The following SLC16A2 variants were observed in gnomAD, a reference collection of about 807,000 sequenced individuals.
SLC16A2 encodes the protein solute carrier family 16 member 2.
A neutral mutation model predicts 27.2 loss-of-function variants in SLC16A2; 3 were observed. That is an observed-to-expected ratio of 0.11 (90% CI 0.05 to 0.28). The LOEUF is 0.28. Among genes scored for constraint, SLC16A2 ranks in the 10% least tolerant of loss-of-function variants. The pLI is 1.00. For synonymous variants in SLC16A2, 202 were observed against 187.8 expected (o/e 1.08, Z -0.62); for missense variants, 295 against 458.5 (o/e 0.64, Z 3.26).
chrX:74,500,703 C>T (rs1212413003), intron 1 of SLC16A2, among the ~76,000 whole-genome samples: 2 of 111,411 alleles, frequency 1.8e-5, no homozygotes, highest in Admixed American at 1.9e-4. Context: ...CAATTATCAA[C>T]CTCAATGTAA....
At chrX:74,498,982 C>T (rs1270429934) in intron 1 of SLC16A2, among the ~76,000 whole-genome samples, 2 of 111,902 alleles carry the variant, frequency 1.8e-5, no homozygotes, top group Non-Finnish European at 3.8e-5. Context: ...GTTCCACCTC[C>T]CTTCTCTCTC....
chrX:74,428,222 C>A (rs942525845), intron 1 of SLC16A2, among the ~76,000 whole-genome samples: 2 of 111,198 alleles, frequency 1.8e-5, no homozygotes, highest in Non-Finnish European at 3.8e-5. Flanking sequence ...TCATCACCTG[C>A]CTGAAGCTGG....
chrX:74,432,394 AAAG>A (rs1928550102), intron 1 of SLC16A2, among the ~76,000 whole-genome samples: 1 of 111,668 alleles, frequency 9.0e-6, no homozygotes, highest in African/African-American at 3.3e-5. Flanking sequence ...TGGCCTTCAC[AAAG>A]AAGGATTGCC....
At chrX:74,485,671 G>T (rs1348060348) in intron 1 of SLC16A2, among the ~76,000 whole-genome samples, 2 of 111,145 alleles carry the variant, frequency 1.8e-5, no homozygotes, top group Non-Finnish European at 3.8e-5. Flanking sequence ...GAGTGTTATA[G>T]CTCTATTAGA....
intron 5 of SLC16A2, among the ~76,000 whole-genome samples, 197 bp downstream of exon 5, chrX:74,529,638 G>C (rs374581891): frequency 1.8e-5 from 2 of 110,535 alleles, no homozygotes; most frequent in Non-Finnish European, 3.8e-5. Context: ...TCCATTCTGC[G>C]GGATGGATTT....
chrX:74,490,007 A>ACACACACACG (rs1248337085), intron 1 of SLC16A2, among the ~76,000 whole-genome samples: 1 of 108,195 alleles, frequency 9.2e-6, no homozygotes, highest in Non-Finnish European at 1.9e-5. Flanking sequence ...ACACACACAC[A>ACACACACACG]CGCAAAGATC....
chrX:74,424,934 C>T (rs939220672), intron 1 of SLC16A2, among the ~76,000 whole-genome samples: 7 of 112,117 alleles, frequency 6.2e-5, no homozygotes, highest in South Asian at 7.5e-4. Context: ...TCATATTTCA[C>T]GACACCTTCA....
At chrX:74,483,835 C>A (rs1257802401) in intron 1 of SLC16A2, among the ~76,000 whole-genome samples, 1 of 111,081 alleles carries the variant, frequency 9.0e-6, no homozygotes, top group African/African-American at 3.3e-5. Context: ...TATTATTGGC[C>A]CACCATGCTT....
chrX:74,460,935 G>A (rs1929129676), intron 1 of SLC16A2, among the ~76,000 whole-genome samples: 2 of 111,855 alleles, frequency 1.8e-5, no homozygotes, highest in Admixed American at 1.9e-4. Context: ...ACAGGTGTGA[G>A]CCACTGTGCC....
intron 1 of SLC16A2, among the ~76,000 whole-genome samples, chrX:74,507,484 G>C (rs769461253): frequency 4.5e-4 from 50 of 111,869 alleles, no homozygotes; most frequent in African/African-American, 1.3e-3. Flanking sequence ...AAGAATGTAA[G>C]ACAGAACTAC....
At chrX:74,429,331 G>A (rs766621938) in intron 1 of SLC16A2, among the ~76,000 whole-genome samples, 2 of 110,719 alleles carry the variant, frequency 1.8e-5, no homozygotes, top group South Asian at 7.8e-4. Flanking sequence ...AACTAGGCTG[G>A]CATAGTGGCA....
At chrX:74,502,652 C>T (rs1487527075) in intron 1 of SLC16A2, among the ~76,000 whole-genome samples, 2 of 112,446 alleles carry the variant, frequency 1.8e-5, no homozygotes, top group African/African-American at 3.2e-5. Context: ...AGATGGCATT[C>T]ACAAGATAAT....
chrX:74,478,731 T>G (rs1929544690), intron 1 of SLC16A2, among the ~76,000 whole-genome samples: 1 of 111,135 alleles, frequency 9.0e-6, no homozygotes, highest in Non-Finnish European at 1.9e-5. Context: ...TTATTTCTCC[T>G]TCACTTATGA....
At chrX:74,465,755 A>G (rs1929239063) in intron 1 of SLC16A2, among the ~76,000 whole-genome samples, 1 of 111,673 alleles carries the variant, frequency 9.0e-6, no homozygotes, top group Admixed American at 9.5e-5. Flanking sequence ...ACTTGCTGCT[A>G]GCCTCTGGGC....
chrX:74,442,682 C>T (rs1179550011), intron 1 of SLC16A2, among the ~76,000 whole-genome samples: 3 of 112,234 alleles, frequency 2.7e-5, no homozygotes, highest in Non-Finnish European at 3.8e-5. Context: ...GAGGTCCAGG[C>T]GCAGTGGCTC....
intron 1 of SLC16A2, among the ~76,000 whole-genome samples, chrX:74,498,093 C>T (rs984428729): frequency 1.8e-5 from 2 of 111,179 alleles, no homozygotes; most frequent in African/African-American, 6.5e-5. Flanking sequence ...TATGGTTTAA[C>T]CTTAAAGGAA....
At chrX:74,436,602 T>C (rs966813358) in intron 1 of SLC16A2, among the ~76,000 whole-genome samples, 1 of 112,352 alleles carries the variant, frequency 8.9e-6, no homozygotes, top group Admixed American at 9.4e-5. Flanking sequence ...TATGTATCTC[T>C]AGCTAGCTAG....
chrX:74,467,201 G>A (rs1411446239), intron 1 of SLC16A2, among the ~76,000 whole-genome samples: 1 of 111,912 alleles, frequency 8.9e-6, no homozygotes, highest in African/African-American at 3.2e-5. Flanking sequence ...AAAGTGGTAA[G>A]GGGCCTTAGA....
chrX:74,426,692 C>G (rs1390318467), intron 1 of SLC16A2, among the ~76,000 whole-genome samples: 2 of 112,473 alleles, frequency 1.8e-5, no homozygotes, highest in Non-Finnish European at 3.7e-5. Flanking sequence ...AATAAACTTT[C>G]TAGCCCTACC....
Sources: allele counts gnomAD v4.1 joint callset (sites outside exome capture counted in the v4.1 genomes callset), GRCh38; gene constraint gnomAD v4.1.1; transcripts MANE v1.5; gene names NCBI Gene and HGNC (gene_info 2026-07-23, HGNC 2026-07-21).